The following NCAM2 variants were observed in gnomAD, a reference collection of about 807,000 sequenced individuals.
NCAM2 encodes N-CAM-2.
NCAM2 carries 30 observed loss-of-function variants against 98.1 expected under a neutral mutation model. The ratio of observed to expected loss-of-function variants is 0.31; its 90% CI spans 0.23 to 0.41. NCAM2 has a LOEUF of 0.41. Among genes scored for constraint, NCAM2 ranks in the 10% least tolerant of loss-of-function variants. The probability of loss-of-function intolerance (pLI) is 1.00; values close to 1 mark genes in which losing one functional copy is unlikely to be tolerated. For synonymous variants in NCAM2, 368 were observed against 342.4 expected, an observed-to-expected ratio of 1.07 and a Z score of -0.83; for missense variants, 867 against 1,005.8, an observed-to-expected ratio of 0.86 and a Z score of 1.87.
At chr21:21,481,656 G>T (rs1423987294) in intron 15 of NCAM2, among the ~76,000 whole-genome samples, 1 of 152,124 alleles carries the variant, frequency 6.6e-6, no homozygotes, top group Non-Finnish European at 1.5e-5. Context: ...ACAAATCAAG[G>T]AGTCGTGGAG....
chr21:21,472,744 T>A (rs960912996), intron 14 of NCAM2, among the ~76,000 whole-genome samples: 3 of 151,772 alleles, frequency 2.0e-5, no homozygotes, highest in African/African-American at 7.3e-5. Context: ...CAGAAGGTAA[T>A]GAATAGGAAA....
At chr21:21,304,094 TG>T (rs1485464770) in intron 5 of NCAM2, among the ~76,000 whole-genome samples, 3 of 152,118 alleles carry the variant, frequency 2.0e-5, no homozygotes, top group African/African-American at 7.2e-5. Flanking sequence ...TGCCTTTCAG[TG>T]GGTGAAAGAT....
At chr21:21,510,822 T>A (rs1039243256) in intron 16 of NCAM2, among the ~76,000 whole-genome samples, 9 of 152,086 alleles carry the variant, frequency 5.9e-5, no homozygotes, top group Non-Finnish European at 1.2e-4. Flanking sequence ...TTAGCTATTA[T>A]CAGTGTACAG....
At chr21:21,043,054 A>G (rs1160678093) in intron 1 of NCAM2, among the ~76,000 whole-genome samples, 3 of 152,232 alleles carry the variant, frequency 2.0e-5, no homozygotes, top group Non-Finnish European at 4.4e-5. Flanking sequence ...TCTTTTCAAA[A>G]TGTCAAATTT....
intron 1 of NCAM2, among the ~76,000 whole-genome samples, chr21:21,225,053 A>G (rs184042979): frequency 1.3e-5 from 2 of 152,252 alleles, no homozygotes; most frequent in East Asian, 3.9e-4. Context: ...CATGGTACAT[A>G]TACACCATGG....
intron 12 of NCAM2, among the ~76,000 whole-genome samples, chr21:21,450,820 A>T (rs1980940916): frequency 7.1e-6 from 1 of 140,022 alleles, no homozygotes; most frequent in Non-Finnish European, 1.6e-5. Context: ...ACACACACAC[A>T]CACACACACA....
At chr21:21,439,707 G>A (rs2146073882) in intron 12 of NCAM2, among the ~76,000 whole-genome samples, 1 of 152,262 alleles carries the variant, frequency 6.6e-6, no homozygotes, top group South Asian at 2.1e-4. Context: ...AATATGCAAA[G>A]TACCAGCAAT....
At chr21:21,360,078 G>A (rs921150551) in intron 8 of NCAM2, among the ~76,000 whole-genome samples, 1 of 151,840 alleles carries the variant, frequency 6.6e-6, no homozygotes, top group Admixed American at 6.6e-5. Context: ...TGCAGCAAAA[G>A]AATACATTTG....
chr21:21,123,967 C>A (rs956643645), intron 1 of NCAM2, among the ~76,000 whole-genome samples: 2 of 148,724 alleles, frequency 1.3e-5, no homozygotes, highest in Non-Finnish European at 3.0e-5. Flanking sequence ...CCTGCCTCAG[C>A]CTCCCGAGTA....
intron 1 of NCAM2, among the ~76,000 whole-genome samples, chr21:21,090,371 G>A (rs573798756): frequency 6.6e-6 from 1 of 152,142 alleles, no homozygotes; most frequent in East Asian, 1.9e-4. Context: ...AATAGGCCTA[G>A]GGGCCCATTA....
intron 1 of NCAM2, among the ~76,000 whole-genome samples, chr21:21,083,921 C>T (rs373638577): frequency 1.3e-5 from 2 of 152,092 alleles, no homozygotes; most frequent in Non-Finnish European, 2.9e-5. Flanking sequence ...TACTTGTATT[C>T]GTTTGTGTAT....
intron 1 of NCAM2, among the ~76,000 whole-genome samples, chr21:21,109,001 A>G (rs1220926233): frequency 6.6e-6 from 1 of 152,174 alleles, no homozygotes; most frequent in Non-Finnish European, 1.5e-5. Context: ...GTTTTACACA[A>G]ATATTTTTCC....
chr21:21,262,691 A>G (rs1477884894), intron 1 of NCAM2, among the ~76,000 whole-genome samples: 1 of 149,112 alleles, frequency 6.7e-6, no homozygotes, highest in Admixed American at 6.7e-5. Context: ...TGTCTTGCAA[A>G]TAGGAAAAGT....
At chr21:21,486,303 C>CAAAAAAAAAAAAAAAAAAAA (rs67182493) in intron 15 of NCAM2, among the ~76,000 whole-genome samples, 1 of 52,264 alleles carries the variant, frequency 1.9e-5, no homozygotes, top group African/African-American at 8.4e-5. Flanking sequence ...GACTCCGTCT[C>CAAAAAAAAAAAAAAAAAAAA]AAAAAAAAAA....
chr21:21,255,748 T>C (rs1322861708), intron 1 of NCAM2, among the ~76,000 whole-genome samples: 6 of 152,286 alleles, frequency 3.9e-5, no homozygotes, highest in Non-Finnish European at 8.8e-5. Flanking sequence ...TAAATAAACA[T>C]GGCCCAACTT....
At chr21:21,148,306 C>T (rs1318521808) in intron 1 of NCAM2, among the ~76,000 whole-genome samples, 1 of 152,140 alleles carries the variant, frequency 6.6e-6, no homozygotes, top group Non-Finnish European at 1.5e-5. Flanking sequence ...TAAATGAAGG[C>T]TTTCTCTAAC....
intron 1 of NCAM2, among the ~76,000 whole-genome samples, chr21:21,092,755 C>T (rs941163044): frequency 9.9e-5 from 15 of 151,662 alleles, no homozygotes; most frequent in African/African-American, 1.9e-4. Flanking sequence ...AATTACATAC[C>T]GTAGACGTGT....
chr21:21,140,461 T>C lies in NCAM2; in HGVS notation c.56-140117T>C, dbSNP rs17794690. Among the ~76,000 whole-genome samples the C allele has an allele frequency of 9.0e-3, 1,372 of 152,234 alleles. 53 individuals are homozygous for C. The East Asian group carries it at 0.11, about 12-fold the overall frequency. The stretch of plus-strand genomic sequence containing the variant: ...ACCATTAGCAGAAATAATGATAATC[T>C]TTTCCTTTTGGGCTTTAATAAATCA... On this transcript the variant is annotated intron_variant, in intron 1 of 17. Transcript: ENST00000400546.
intron 5 of NCAM2, among the ~76,000 whole-genome samples, chr21:21,315,334 A>T (rs542039977): frequency 2.6e-5 from 4 of 152,296 alleles, no homozygotes; most frequent in African/African-American, 9.6e-5. Flanking sequence ...CTTGCTGTGG[A>T]TGCCTTCCTA....
Sources: gnomAD v4.1 joint callset for allele counts (sites outside exome capture counted in the v4.1 genomes callset) on GRCh38, gnomAD v4.1.1 for gene constraint, MANE v1.5 for transcripts, NCBI Gene and HGNC (gene_info 2026-07-23, HGNC 2026-07-21) for gene names.